Variants in LAMA5 observed in about 807,000 individuals in gnomAD.
LAMA5 encodes laminin subunit alpha-5.
LAMA5 carries 260 observed loss-of-function variants against 433.4 expected under a neutral mutation model. The ratio of observed to expected loss-of-function variants is 0.60; its 90% confidence interval spans 0.54 to 0.66. LAMA5 has a LOEUF of 0.66. Among genes scored for constraint, LAMA5 ranks in the 30% least tolerant of loss-of-function variants. LAMA5 has a pLI of 0.00. For synonymous variants in LAMA5, 2,620 were observed against 2,226.6 expected, an observed-to-expected ratio of 1.18 and a Z score of -4.97; for missense variants, 5,378 against 5,258.5, an observed-to-expected ratio of 1.02 and a Z score of -0.70.
chr20:62,354,095 C>T (rs560765837), intron 2 of LAMA5, among the ~76,000 whole-genome samples: 34 of 152,236 alleles, frequency 2.2e-4, no homozygotes, highest in East Asian at 1.2e-3. Context: ...ACTTTCTCCC[C>T]GTGTGTCAGC....
At chr20:62,354,676 G>C (rs969259486) in intron 2 of LAMA5, among the ~76,000 whole-genome samples, 1 of 152,084 alleles carries the variant, frequency 6.6e-6, no homozygotes, top group Non-Finnish European at 1.5e-5. Context: ...GCAGCACCCC[G>C]CCTTCACACT....
intron 11 of LAMA5, among the ~76,000 whole-genome samples, chr20:62,343,592 A>G (rs1042352527): frequency 6.6e-6 from 1 of 152,054 alleles, no homozygotes; most frequent in African/African-American, 2.4e-5. Flanking sequence ...CCTGACCAAC[A>G]TGGAGAAACC....
chr20:62,344,803 G>A (rs1983102903), intron 11 of LAMA5, among the ~76,000 whole-genome samples: 2 of 150,774 alleles, frequency 1.3e-5, no homozygotes, highest in Non-Finnish European at 3.0e-5. Context: ...AAAAAAAAAA[G>A]AACCTAGATT....
chr20:62,357,891 G>A (rs1601424335), intron 2 of LAMA5, among the ~76,000 whole-genome samples: 1 of 152,224 alleles, frequency 6.6e-6, no homozygotes, highest in East Asian at 1.9e-4. Context: ...TGCAGCCCAA[G>A]CTCCAGGCTC....
intron 62 of LAMA5, 124 bp from the exon 63 acceptor site, chr20:62,313,926 G>A: frequency 1.0e-6 from 1 of 997,890 alleles, no homozygotes; most frequent in Non-Finnish European, 1.4e-6. Flanking sequence ...GGCACGGAGA[G>A]ACGAGGGGTG....
chr20:62,346,922 C>T lies in LAMA5; in HGVS notation c.1063G>A (p.Glu355Lys), dbSNP rs754145632. The change falls in exon 7 of 80, where the codon GAG becomes AAG. Residue 355 changes from glutamate to lysine, a missense_variant. Coordinates refer to ENST00000252999, the MANE Select transcript of LAMA5 (RefSeq NM_005560.6). ...GGGAGGAGGCACTCACACTGGCACT[C>T]GTTGGCACTGTTGGCAGTCGCAGGC... The part of the protein sequence containing the change: ...WKPATANSAN[E>K]CQSCNCYGHA... The T allele has an allele frequency of 9.3e-6, 15 of 1,612,790 alleles. No individual in the cohort carries two copies. The highest frequency in any genetic ancestry group is 2.2e-5 in the East Asian group (1 of 44,880).
chr20:62,359,179 G>A lies in LAMA5; in HGVS notation c.450+3221C>T, dbSNP rs763821524. On this transcript the variant is annotated intron_variant, in intron 2 of 79. Coordinates refer to ENST00000252999, the MANE Select transcript of LAMA5 (RefSeq NM_005560.6). This position sits in a 1 kb window ranked among gnomAD's most constrained non-coding sequence, Gnocchi z 4.3. ...GGGCCTCCCTACCGGAAGGGGGCCC[G>A]TGCGTCCTCACTCCTCATCTGAGGG... Among the ~76,000 whole-genome samples the A allele has an allele frequency of 3.3e-5, 5 of 152,130 alleles. No individual in the cohort carries two copies. The highest frequency in any genetic ancestry group is 4.4e-5 in the Non-Finnish European group (3 of 68,014).
intron 46 of LAMA5, 30 bp from the exon 47 acceptor site, chr20:62,322,479 C>T (rs1247126855): frequency 6.4e-7 from 1 of 1,553,106 alleles, no homozygotes; most frequent in East Asian, 2.4e-5. Flanking sequence ...CTGCCCTGCC[C>T]AGCCCTCAAG....
At position 62,309,746 on chromosome 20, in the gene LAMA5, G is replaced by C; in HGVS notation, c.10918C>G (p.Pro3640Ala). The C allele has an allele frequency of 6.2e-7, 1 of 1,603,754 alleles. No individual in the cohort carries two copies. Among genetic ancestry groups the C allele is most frequent in the Middle Eastern group, 1.7e-4 (1 of 5,942 alleles). ...AGGCCCCCGAGGTACAGAGGGGCTGGGGCACCAGCTGCAGCCGCCAGCAAG... is the reference window on the plus strand; with the variant it reads ...AGGCCCCCGAGGTACAGAGGGGCTGCGGCACCAGCTGCAGCCGCCAGCAAG... ...GPLLAAAAGA[P>A]APLYLGGLPE... Residue 3640 changes from proline (P) to alanine (A), a missense_variant, in exon 79 of 80, where the codon CCA (proline) becomes GCA (alanine). By Grantham distance (27) the Pro-to-Ala change is conservative. Coordinates refer to ENST00000252999, the MANE Select transcript of LAMA5 (RefSeq NM_005560.6).
At position 62,346,672 on chromosome 20, in the gene LAMA5, C is replaced by T. The variant is rs376678816; in HGVS notation, c.1191+10G>A. 9.3e-6 allele frequency: 15 copies of T among 1,612,248 alleles called. No individual in the cohort carries two copies. The African/African-American group carries it at 1.9e-4, about 20-fold the overall frequency. ...GGCCAGCCCATTCCCAGCCCTCTAGCCCAGCCCACCTGGCAGTCGATACAG... is the reference window on the plus strand; with the variant it reads ...GGCCAGCCCATTCCCAGCCCTCTAGTCCAGCCCACCTGGCAGTCGATACAG... On this transcript the variant is annotated intron_variant, in intron 8 of 79. Transcript: ENST00000252999.
chr20:62,339,227 GTTTCT>G (rs1415705983), intron 11 of LAMA5, among the ~76,000 whole-genome samples: 33 of 125,536 alleles, frequency 2.6e-4, no homozygotes, highest in East Asian at 4.7e-4. Flanking sequence ...ACAAATTATA[GTTTCT>G]TTTTTTTTTT....
In LAMA5 at chr20:62,315,980, T is replaced by C. The variant is rs760566687; in HGVS notation, c.7835A>G (p.Gln2612Arg). ...CATGGCAAGCATGGCCTGCGCCGCC[T>C]GGATGTGCGCCTCCAGCTGGTCCTT... ...AKKDQLEAHIQAAQAMLAMDT... is the reference protein window; with the variant it reads ...AKKDQLEAHIRAAQAMLAMDT... The change falls in exon 58 of 80, where the codon CAG (glutamine) becomes CGG (arginine). Residue 2612 changes from glutamine (Q) to arginine (R), a missense_variant. Coordinates refer to ENST00000252999, the MANE Select transcript of LAMA5 (RefSeq NM_005560.6). 6.2e-7 allele frequency: 1 copy of C among 1,607,526 alleles called. No individual in the cohort carries two copies. The highest frequency in any genetic ancestry group is 1.3e-5 in the African/African-American group (1 of 74,908).
At chr20:62,364,725 C>T (rs925638785) in intron 1 of LAMA5, among the ~76,000 whole-genome samples, 1 of 152,236 alleles carries the variant, frequency 6.6e-6, no homozygotes, top group African/African-American at 2.4e-5. Context: ...GGGCCACAAC[C>T]TCCCCCTGCC....
Position 62,311,926 on chromosome 20 carries a change from G to C in LAMA5, c.9629C>G (p.Ala3210Gly). 1 of 1,610,982 alleles carries C rather than the reference G, an allele frequency of 6.2e-7. No homozygotes were observed. The change falls in exon 70 of 80, where the codon GCC becomes GGC. Residue 3210 changes from alanine to glycine, a missense_variant. By Grantham distance (60) the Ala-to-Gly change is moderately conservative. Transcript: ENST00000252999. ...APHYVAFYSN[A>G]TGVWLYVDDQ... ...GCCCAGCGGCCAGGCTCACCCCGTG[G>C]CATTGCTGTAGAAGGCGACGTAATG... is the stretch of plus-strand genomic sequence containing the variant.
intron 6 of LAMA5, among the ~76,000 whole-genome samples, chr20:62,348,180 C>T (rs933641467): frequency 6.6e-6 from 1 of 152,096 alleles, no homozygotes; most frequent in African/African-American, 2.4e-5. Flanking sequence ...GCCAGAAGCA[C>T]AAAGATAAAC....
intron 28 of LAMA5, among the ~76,000 whole-genome samples, chr20:62,331,673 A>T (rs1256504230): frequency 6.6e-6 from 1 of 152,168 alleles, no homozygotes; most frequent in African/African-American, 2.4e-5. Context: ...CGGCCATGTG[A>T]GGTTGGTGTC....
At chr20:62,314,481 G>A in intron 61 of LAMA5, 41 bp from the exon 62 acceptor site, 3 of 1,611,134 alleles carry the variant, frequency 1.9e-6, no homozygotes, top group Non-Finnish European at 1.7e-6. Context: ...GGGGACCGGG[G>A]ACCAGGGACC....
At chr20:62,336,847 G>A in intron 16 of LAMA5, 61 bp from the exon 17 acceptor site, 1 of 1,555,398 alleles carries the variant, frequency 6.4e-7, no homozygotes, top group East Asian at 2.3e-5. Flanking sequence ...GGCCAAGGGT[G>A]TCCCAGGCCC....
Position 62,323,498 on chromosome 20 carries a change from G to T in LAMA5, c.6022C>A (p.Pro2008Thr). 6.4e-7 allele frequency: 1 copy of T among 1,558,886 alleles called. No homozygotes were observed. Among genetic ancestry groups the T allele is most frequent in the East Asian group, 2.3e-5 (1 of 42,610 alleles). The change falls in exon 45 of 80, where the codon CCC becomes ACC. Residue 2008 changes from proline (P) to threonine (T), a missense_variant. Pro to Thr is a conservative substitution (Grantham distance 38). Coordinates refer to ENST00000252999, the MANE Select transcript of LAMA5 (RefSeq NM_005560.6). ...AGCAGGGCGTTGCCGTAGAAGCCGG[G>T]GGCACAGATCTCGCAGCGGGGCCCA... ...TTGPRCEICA[P>T]GFYGNALLPG...
Sources: gnomAD v4.1 joint callset for allele counts (sites outside exome capture counted in the v4.1 genomes callset) on GRCh38, gnomAD v4.1.1 for gene constraint, Gnocchi (gnomAD v3.1) non-coding constraint, MANE v1.5 for transcripts, NCBI Gene and HGNC (gene_info 2026-07-23, HGNC 2026-07-21) for gene names.